The following PHLPP1 variants were observed in gnomAD, a reference collection of about 807,000 sequenced individuals.
PHLPP1 encodes the protein PH domain leucine-rich repeat-containing protein phosphatase 1.
A neutral mutation model predicts 117.2 loss-of-function variants in PHLPP1; 42 were observed. That is an observed-to-expected ratio of 0.36 (90% CI 0.28 to 0.46). The LOEUF (loss-of-function observed/expected upper bound fraction) is 0.46. Among genes scored for constraint, PHLPP1 ranks in the 20% least tolerant of loss-of-function variants. PHLPP1 has a pLI of 1.00. For synonymous variants in PHLPP1, 1,042 were observed against 970.7 expected (o/e 1.07, Z -1.37); for missense variants, 2,084 against 2,241.9 (o/e 0.93, Z 1.42).
intron 12 of PHLPP1, among the ~76,000 whole-genome samples, chr18:62,948,832 G>A (rs1049966609): frequency 6.6e-6 from 1 of 151,972 alleles, no homozygotes; most frequent in Non-Finnish European, 1.5e-5. Context: ...TGATATTTTT[G>A]TGTCATATGA....
Position 62,905,235 on chromosome 18 carries a change from C to A in PHLPP1, c.2659C>A (p.Leu887Ile). The A allele has an allele frequency of 6.5e-7, 1 of 1,539,368 alleles. No homozygotes were observed. The highest frequency in any genetic ancestry group is 1.3e-5 in the South Asian group (1 of 74,384). ...TTTTTTCTTCCTAGAACTTGTTCAA[C>A]TTGATGTTTACCCAGTTCCAAATTA... ...LYASSNELVQ[L>I]DVYPVPNYLS... Residue 887 changes from leucine (L) to isoleucine (I), a missense_variant, in exon 8 of 17, where the codon CTT (leucine) becomes ATT (isoleucine). Around this residue, in one of 2 missense-constraint regions of PHLPP1, gnomAD observed 1,365 missense variants for 1,605.9 expected, o/e 0.85. Transcript: ENST00000262719.
intron 4 of PHLPP1, among the ~76,000 whole-genome samples, chr18:62,871,610 G>C (rs1915904906): frequency 2.7e-5 from 4 of 149,614 alleles, no homozygotes; most frequent in Admixed American, 2.7e-4. Context: ...TTACAGGCGT[G>C]AGTCACCACG....
At chr18:62,831,631 C>T (rs1394123449) in intron 2 of PHLPP1, among the ~76,000 whole-genome samples, 1 of 152,168 alleles carries the variant, frequency 6.6e-6, no homozygotes, top group Non-Finnish European at 1.5e-5. Context: ...GCCACTGTGC[C>T]TGGCCTAAGT....
chr18:62,753,901 T>C (rs115394411), intron 1 of PHLPP1, among the ~76,000 whole-genome samples: 2,076 of 152,318 alleles, frequency 0.014, 39 homozygotes, highest in African/African-American at 0.048. Context: ...TCCTGTGAGA[T>C]TGAGGCTATT....
intron 10 of PHLPP1, among the ~76,000 whole-genome samples, chr18:62,940,428 G>T (rs181554641): frequency 2.4e-5 from 3 of 124,332 alleles, no homozygotes; most frequent in Non-Finnish European, 4.7e-5. Context: ...ACAGTGGTGC[G>T]ATCTCCGCTC....
chr18:62,826,773 T>TG (rs1416849585), intron 1 of PHLPP1, among the ~76,000 whole-genome samples: 1 of 151,882 alleles, frequency 6.6e-6, no homozygotes, highest in Admixed American at 6.6e-5. Flanking sequence ...GAGGCCGAGG[T>TG]GGGTGGATCA....
chr18:62,963,483 T>G lies in PHLPP1; in HGVS notation c.3560+11T>G. The G allele has an allele frequency of 6.3e-7, 1 of 1,575,332 alleles. No homozygotes were observed. Among genetic ancestry groups the G allele is most frequent in the Non-Finnish European group, 8.7e-7 (1 of 1,149,254 alleles). Reference sequence around the variant, plus strand: ...GGGGGTAAAAAACAAGTAAGTCAGATGAAACTTTAGAGGAAGAAGTGCCTC... The same window carrying G: ...GGGGGTAAAAAACAAGTAAGTCAGAGGAAACTTTAGAGGAAGAAGTGCCTC... On this transcript the variant is annotated intron_variant, in intron 14 of 16. Transcript: ENST00000262719.
intron 8 of PHLPP1, among the ~76,000 whole-genome samples, chr18:62,914,448 A>G (rs1917045507): frequency 6.6e-6 from 1 of 152,132 alleles, no homozygotes; most frequent in Non-Finnish European, 1.5e-5. Flanking sequence ...GTTTAATTTA[A>G]CCTAAAGATA....
At chr18:62,940,347 T>G (rs906976626) in intron 10 of PHLPP1, among the ~76,000 whole-genome samples, 1 of 144,472 alleles carries the variant, frequency 6.9e-6, no homozygotes, top group African/African-American at 2.6e-5. Flanking sequence ...TTCTTTTTCT[T>G]TCTTTTCTTT....
chr18:62,802,640 A>G (rs911313537), intron 1 of PHLPP1, among the ~76,000 whole-genome samples: 9 of 152,222 alleles, frequency 5.9e-5, no homozygotes, highest in African/African-American at 2.2e-4. Flanking sequence ...GATTGAATTG[A>G]AAGTAATATG....
chr18:62,841,258 G>A (rs767634387), intron 3 of PHLPP1, among the ~76,000 whole-genome samples: 1 of 151,100 alleles, frequency 6.6e-6, no homozygotes, highest in Non-Finnish European at 1.5e-5. Context: ...ATACCACATT[G>A]CATTTGATTG....
intron 1 of PHLPP1, among the ~76,000 whole-genome samples, chr18:62,743,477 T>G (rs1171469816): frequency 1.3e-5 from 2 of 152,082 alleles, no homozygotes; most frequent in Non-Finnish European, 2.9e-5. Context: ...TAATCCTAGA[T>G]CTCATATCAT....
At chr18:62,943,760 C>T (rs929667487) in intron 11 of PHLPP1, among the ~76,000 whole-genome samples, 2 of 152,122 alleles carry the variant, frequency 1.3e-5, no homozygotes, top group Non-Finnish European at 2.9e-5. Context: ...CTGGGAATCA[C>T]GTTTCAACAT....
At chr18:62,970,362 A>G (rs1911017414) in intron 14 of PHLPP1, among the ~76,000 whole-genome samples, 1 of 152,212 alleles carries the variant, frequency 6.6e-6, no homozygotes, top group African/African-American at 2.4e-5. Flanking sequence ...CTCAACTTCA[A>G]TACCATTGAC....
In PHLPP1 at chr18:62,978,416, T is replaced by C; in HGVS notation, c.4139T>C (p.Leu1380Pro). 1 of 1,612,256 alleles carries C rather than the reference T, an allele frequency of 6.2e-7. No individual in the cohort carries two copies. The highest frequency in any genetic ancestry group is 8.5e-7 in the Non-Finnish European group (1 of 1,179,224). ...GGCAGTAAGGGGTTGTGGGACAGCC[T>C]GTCCGTCGAGGAGGCCGTGGAAGCC... Reference protein sequence around the residue: ...ILGSKGLWDSLSVEEAVEAVR... With the variant: ...ILGSKGLWDSPSVEEAVEAVR... Residue 1380 changes from leucine to proline, a missense_variant, in exon 17 of 17, where the codon CTG (leucine) becomes CCG (proline). Coordinates refer to ENST00000262719, the MANE Select transcript of PHLPP1 (RefSeq NM_194449.4). The surrounding 1 kb of genome is among the most constrained non-coding windows in gnomAD (Gnocchi z 7.0).
intron 3 of PHLPP1, among the ~76,000 whole-genome samples, chr18:62,847,049 T>C (rs1329253396): frequency 6.6e-6 from 1 of 152,262 alleles, no homozygotes; most frequent in African/African-American, 2.4e-5. Flanking sequence ...TAAAGTTTTA[T>C]AATCCAGTTT....
chr18:62,913,834 C>G (rs1284434619), intron 8 of PHLPP1, among the ~76,000 whole-genome samples: 2 of 149,204 alleles, frequency 1.3e-5, no homozygotes, highest in East Asian at 3.9e-4. Flanking sequence ...ACCTCCGCCT[C>G]CCGGGTTCAA....
At chr18:62,736,818 A>G (rs1294033245) in intron 1 of PHLPP1, among the ~76,000 whole-genome samples, 6 of 152,142 alleles carry the variant, frequency 3.9e-5, no homozygotes, top group Non-Finnish European at 1.5e-5. Context: ...TGGTTACCAT[A>G]TGTGTGGTAA....
intron 12 of PHLPP1, among the ~76,000 whole-genome samples, chr18:62,953,427 A>T (rs1910521674): frequency 6.6e-6 from 1 of 152,144 alleles, no homozygotes; most frequent in African/African-American, 2.4e-5. Context: ...CTGTTCTCAC[A>T]TGCCTGATTA....
Sources: allele counts gnomAD v4.1 joint callset (sites outside exome capture counted in the v4.1 genomes callset), GRCh38; gene constraint gnomAD v4.1.1; regional missense constraint gnomAD v4.1.1; non-coding constraint Gnocchi (gnomAD v3.1); transcripts MANE v1.5; gene names NCBI Gene and HGNC (gene_info 2026-07-23, HGNC 2026-07-21).